PDZRN4: variants seen among roughly 807,000 people sequenced by gnomAD.
PDZRN4 encodes the protein PDZ domain-containing RING finger protein 4.
Under a neutral mutation model 99.0 loss-of-function variants are expected in PDZRN4, and 70 were observed. The observed-to-expected ratio is 0.71, with a 90% confidence interval of 0.58 to 0.86. PDZRN4 has a LOEUF of 0.86. PDZRN4 is among the 40% of genes least tolerant of loss of function. The pLI, the probability that PDZRN4 is intolerant of heterozygous loss-of-function variation, is 0.00. For synonymous variants in PDZRN4, 551 were observed against 501.6 expected (o/e 1.10, Z -1.32); for missense variants, 1,474 against 1,331.2 (o/e 1.11, Z -1.67).
chr12:41,231,882 G>A (rs1388766496), intron 3 of PDZRN4, among the ~76,000 whole-genome samples: 1 of 151,856 alleles, frequency 6.6e-6, no homozygotes, highest in African/African-American at 2.4e-5. Flanking sequence ...GAAAAAGACA[G>A]GATCATTATA....
At chr12:41,438,007 T>C in intron 3 of PDZRN4, 1 of 1,614,070 alleles carries the variant, frequency 6.2e-7, no homozygotes, top group Non-Finnish European at 8.5e-7. Context: ...TGTATGAAGT[T>C]TCCCAGGTGA....
chr12:41,456,906 T>A (rs1197528862), intron 3 of PDZRN4, among the ~76,000 whole-genome samples: 1 of 152,180 alleles, frequency 6.6e-6, no homozygotes, highest in East Asian at 1.9e-4. Context: ...TGACACTAAC[T>A]GAATGGAAGG....
At chr12:41,338,270 T>C (rs1252703656) in intron 3 of PDZRN4, among the ~76,000 whole-genome samples, 1 of 152,152 alleles carries the variant, frequency 6.6e-6, no homozygotes, top group Non-Finnish European at 1.5e-5. Context: ...TACAATTAAT[T>C]AATTCATTCA....
intron 3 of PDZRN4, among the ~76,000 whole-genome samples, chr12:41,454,966 T>C (rs1952806042): frequency 6.6e-6 from 1 of 152,236 alleles, no homozygotes; most frequent in Non-Finnish European, 1.5e-5. Context: ...GGAATTGAAC[T>C]TCTACATTTG....
At chr12:41,221,972 CA>C (rs1215851472) in intron 3 of PDZRN4, among the ~76,000 whole-genome samples, 1 of 152,126 alleles carries the variant, frequency 6.6e-6, no homozygotes, top group Admixed American at 6.5e-5. Flanking sequence ...AGGCCATGGA[CA>C]ACAAAGAACA....
At chr12:41,370,567 C>T (rs560561075) in intron 3 of PDZRN4, among the ~76,000 whole-genome samples, 19 of 151,968 alleles carry the variant, frequency 1.3e-4, no homozygotes, top group Non-Finnish European at 2.2e-4. Context: ...TGCTTATCTG[C>T]TCAGGGCTTG....
intron 5 of PDZRN4, among the ~76,000 whole-genome samples, chr12:41,514,092 A>G (rs1938354880): frequency 6.6e-6 from 1 of 152,088 alleles, no homozygotes; most frequent in South Asian, 2.1e-4. Flanking sequence ...GTAAGCCAAA[A>G]AAATTTAGAA....
intron 3 of PDZRN4, among the ~76,000 whole-genome samples, chr12:41,430,960 G>C (rs1232869870): frequency 2.0e-5 from 3 of 152,158 alleles, no homozygotes; most frequent in African/African-American, 7.2e-5. Context: ...GAGCAAGATG[G>C]GAGTGGTGCT....
chr12:41,350,796 T>C (rs775168558), intron 3 of PDZRN4, among the ~76,000 whole-genome samples: 2 of 152,144 alleles, frequency 1.3e-5, no homozygotes, highest in Non-Finnish European at 2.9e-5. Context: ...ATATCCACTT[T>C]ATGAATCTAG....
chr12:41,453,174 A>G (rs2120508422), intron 3 of PDZRN4, among the ~76,000 whole-genome samples: 1 of 152,284 alleles, frequency 6.6e-6, no homozygotes, highest in South Asian at 2.1e-4. Flanking sequence ...CAGAGTAGGA[A>G]GAAGCTGCAG....
chr12:41,301,686 T>C (rs959079254), intron 3 of PDZRN4, among the ~76,000 whole-genome samples: 22 of 152,102 alleles, frequency 1.4e-4, no homozygotes, highest in Non-Finnish European at 2.8e-4. Flanking sequence ...CAAACAACTT[T>C]TTTTTTCCTT....
At chr12:41,277,308 T>C (rs1212021475) in intron 3 of PDZRN4, among the ~76,000 whole-genome samples, 2 of 152,168 alleles carry the variant, frequency 1.3e-5, no homozygotes, top group Non-Finnish European at 2.9e-5. Context: ...CACGTAGTTT[T>C]AGTTAATTTA....
chr12:41,482,197 C>A (rs12372586), intron 3 of PDZRN4, among the ~76,000 whole-genome samples: 1 of 151,944 alleles, frequency 6.6e-6, no homozygotes, highest in Non-Finnish European at 1.5e-5. Context: ...CACATCTTCA[C>A]GCAGCAAAAC....
In PDZRN4 at chr12:41,550,929, CAG is replaced by C. The variant is rs1318688581; in HGVS notation, c.1204-1724_1204-1723del. ...AAAGGAGGATATATACTCAAATGTACAGAGTGTTCTGGGAAATATTCTCTTGT... is the reference window on the plus strand; with the variant it reads ...AAAGGAGGATATATACTCAAATGTACAGTGTTCTGGGAAATATTCTCTTGT... On this transcript the variant is annotated intron_variant, in intron 5 of 9. Transcript: ENST00000402685. Among the ~76,000 whole-genome samples, 4 of 152,154 alleles carry C rather than the reference CAG, an allele frequency of 2.6e-5. No individual in the cohort carries two copies. In the East Asian group the frequency reaches 7.7e-4, roughly 29 times the overall value.
At chr12:41,333,070 G>T (rs1170080141) in intron 3 of PDZRN4, among the ~76,000 whole-genome samples, 1 of 152,086 alleles carries the variant, frequency 6.6e-6, no homozygotes, top group Non-Finnish European at 1.5e-5. Context: ...TTCAAACCTG[G>T]CAGCCTGACC....
At chr12:41,459,379 G>A (rs1305000189) in intron 3 of PDZRN4, among the ~76,000 whole-genome samples, 1 of 152,126 alleles carries the variant, frequency 6.6e-6, no homozygotes, top group Non-Finnish European at 1.5e-5. Flanking sequence ...AGCTTAAAGA[G>A]TAGTTGAAAC....
intron 3 of PDZRN4, among the ~76,000 whole-genome samples, chr12:41,288,783 C>A (rs543486293): frequency 6.6e-6 from 1 of 151,890 alleles, no homozygotes; most frequent in African/African-American, 2.4e-5. Context: ...TCATTAGTAG[C>A]GAATTTAAAT....
chr12:41,310,037 A>C (rs1366557475), intron 3 of PDZRN4, among the ~76,000 whole-genome samples: 1 of 151,762 alleles, frequency 6.6e-6, no homozygotes, highest in Non-Finnish European at 1.5e-5. Flanking sequence ...GCTTCAAGTG[A>C]TTCTTTTGTC....
intron 3 of PDZRN4, among the ~76,000 whole-genome samples, chr12:41,327,344 C>T (rs1951716276): frequency 6.6e-6 from 1 of 152,206 alleles, no homozygotes; most frequent in Non-Finnish European, 1.5e-5. Flanking sequence ...AAGCCTCTCT[C>T]TGTTCTTTTG....
Sources: allele counts gnomAD v4.1 joint callset (sites outside exome capture counted in the v4.1 genomes callset), GRCh38; gene constraint gnomAD v4.1.1; transcripts MANE v1.5; gene names NCBI Gene and HGNC (gene_info 2026-07-23, HGNC 2026-07-21).